NSUN6: variants seen among roughly 807,000 people sequenced by gnomAD.
NSUN6 encodes the protein NOP2/Sun RNA methyltransferase 6.
In NSUN6, 64 loss-of-function variants were observed where a neutral mutation model predicts 58.0. That is an observed-to-expected ratio of 1.10 (90% CI 0.90 to 1.36). The LOEUF is 1.36. Among genes scored for constraint, NSUN6 ranks in the 40% most tolerant of loss-of-function variants. NSUN6 has a pLI of 0.00. For synonymous variants in NSUN6, 231 were observed against 193.9 expected, an observed-to-expected ratio of 1.19 and a Z score of -1.59; for missense variants, 701 against 550.1, an observed-to-expected ratio of 1.27 and a Z score of -2.74.
chr10:18,645,864 T>G (rs1209320941), intron 2 of NSUN6, among the ~76,000 whole-genome samples: 1 of 152,330 alleles, frequency 6.6e-6, no homozygotes, highest in South Asian at 2.1e-4. Context: ...CTTCTCCATA[T>G]TGTCACCAGC....
chr10:18,548,208 C>T lies in NSUN6; in HGVS notation c.1101G>A (p.Val367=), dbSNP rs373744608. 1 of 1,613,260 alleles carries T rather than the reference C, an allele frequency of 6.2e-7. No homozygotes were observed. Among genetic ancestry groups the T allele is most frequent in the South Asian group, 1.1e-5 (1 of 90,984 alleles). The change falls in exon 10 of 11, where the codon GTG becomes GTA. Residue 367 remains valine, a synonymous_variant. Coordinates refer to ENST00000377304, the MANE Select transcript of NSUN6 (RefSeq NM_182543.5). ...TTATAGTGCACGTGCTATAAACCAG[C>T]ACACCCTCTGGCTTCAGCAGCTGAA... ...AAVQLLKPEG[V]LVYSTCTITL...
Position 18,551,725 on chromosome 10 carries a change from C to G in NSUN6, c.1071+98G>C, listed in dbSNP as rs2054615320. 7 of 974,092 alleles carry G rather than the reference C, an allele frequency of 7.2e-6. No homozygotes were observed. In the South Asian group the frequency reaches 1.0e-4, roughly 14 times the overall value. 60.3% of individuals were successfully genotyped at this position (974,092 alleles called of 1,614,324 possible). On this transcript the variant is annotated intron_variant, in intron 9 of 10. Transcript: ENST00000377304. ...CTCTTGGGTTGTTCCCACCTTTTGG[C>G]TATTGTAATGAACGCTGCTATGGAG...
intron 4 of NSUN6, among the ~76,000 whole-genome samples, chr10:18,615,617 T>C (rs1483897454): frequency 6.6e-6 from 1 of 152,198 alleles, no homozygotes; most frequent in African/African-American, 2.4e-5. Context: ...CCAATTCTGA[T>C]ACAGATCAAA....
intron 3 of NSUN6, among the ~76,000 whole-genome samples, chr10:18,626,824 G>C (rs1404481718): frequency 6.6e-6 from 1 of 152,158 alleles, no homozygotes; most frequent in Non-Finnish European, 1.5e-5. Flanking sequence ...GACAAATCCA[G>C]TCTCATTTGG....
rs145283985 is a variant in NSUN6 at position 18,586,331 on chromosome 10, T to C, written c.778-238A>G. Among the ~76,000 whole-genome samples, 124 of 152,296 alleles carry C rather than the reference T, an allele frequency of 8.1e-4. 2 individuals carry two copies. Among genetic ancestry groups the C allele is most frequent in the African/African-American group, 2.8e-3 (116 of 41,548 alleles). On this transcript the variant is annotated intron_variant, in intron 7 of 10. Transcript: ENST00000377304. The stretch of plus-strand genomic sequence containing the variant: ...AGCCGCAGACCCTTGCGATGAGTGT[T>C]ACAGTTCTTAAAGACGTTGTGTCCG...
chr10:18,551,655 T>C (rs1475696715), intron 9 of NSUN6, 168 bp downstream of exon 9: 5 of 505,398 alleles, frequency 9.9e-6, no homozygotes, highest in Admixed American at 3.5e-5. Flanking sequence ...TAATGTTCCA[T>C]GTATGGATAT....
intron 2 of NSUN6, among the ~76,000 whole-genome samples, chr10:18,643,658 C>T (rs909962322): frequency 3.9e-5 from 6 of 152,090 alleles, no homozygotes; most frequent in African/African-American, 1.4e-4. Flanking sequence ...ATAAATTCCA[C>T]CTCAATCAAT....
chr10:18,571,321 C>T (rs1241761352), intron 8 of NSUN6, among the ~76,000 whole-genome samples: 1 of 149,368 alleles, frequency 6.7e-6, no homozygotes, highest in African/African-American at 2.5e-5. Context: ...CCCTTCTTTT[C>T]TCCATTCCAT....
intron 8 of NSUN6, among the ~76,000 whole-genome samples, chr10:18,582,739 C>A (rs565262713): frequency 6.6e-6 from 1 of 152,218 alleles, no homozygotes; most frequent in South Asian, 2.1e-4. Flanking sequence ...GGGAAAGAGA[C>A]AAAGTGAGCC....
chr10:18,575,601 C>T (rs546516174), intron 8 of NSUN6, among the ~76,000 whole-genome samples: 1 of 152,270 alleles, frequency 6.6e-6, no homozygotes, highest in South Asian at 2.1e-4. Context: ...GGCACCAACC[C>T]TCATCAGGGA....
At chr10:18,569,154 CTCCATTCCATTCTCTAT>C in intron 8 of NSUN6, among the ~76,000 whole-genome samples, 1 of 150,336 alleles carries the variant, frequency 6.7e-6, no homozygotes, top group African/African-American at 2.4e-5. Context: ...CCACTGCATT[CTCCATTCCATTCTCTAT>C]TCCATTCCAT....
At chr10:18,600,126 C>G (rs370024621) in intron 6 of NSUN6, among the ~76,000 whole-genome samples, 74 of 152,206 alleles carry the variant, frequency 4.9e-4, no homozygotes, top group African/African-American at 1.7e-3. Context: ...AAGCCCCCAT[C>G]ACAATGTGAA....
chr10:18,557,319 G>A (rs2055105070), intron 8 of NSUN6, among the ~76,000 whole-genome samples: 1 of 150,886 alleles, frequency 6.6e-6, no homozygotes. Context: ...TGGCGAAGCG[G>A]ATGGAATGCA....
At chr10:18,581,214 G>A (rs773088105) in intron 8 of NSUN6, among the ~76,000 whole-genome samples, 6 of 152,122 alleles carry the variant, frequency 3.9e-5, no homozygotes, top group Admixed American at 3.9e-4. Context: ...GTAAAATAAG[G>A]CTGAGACCTA....
intron 6 of NSUN6, among the ~76,000 whole-genome samples, chr10:18,597,461 T>C (rs10828976): frequency 0.17 from 26,616 of 152,118 alleles, 2,847 homozygotes; most frequent in East Asian, 0.36. Flanking sequence ...AATACATCCA[T>C]TAGTACACCC....
intron 3 of NSUN6, among the ~76,000 whole-genome samples, chr10:18,627,701 G>T (rs933837724): frequency 6.6e-6 from 1 of 152,248 alleles, no homozygotes; most frequent in African/African-American, 2.4e-5. Context: ...GCGCTTTTCC[G>T]ATTGGCTTAA....
At chr10:18,551,641 T>G (rs2054610158) in intron 9 of NSUN6, 182 bp downstream of exon 9, 1 of 446,726 alleles carries the variant, frequency 2.2e-6, no homozygotes, top group Non-Finnish European at 4.0e-6. Flanking sequence ...CTTTGAAGGC[T>G]GAATAATGTT....
intron 8 of NSUN6, 35 bp from the exon 9 acceptor site, chr10:18,552,006 C>A (rs1201673899): frequency 2.9e-6 from 4 of 1,362,576 alleles, no homozygotes; most frequent in Admixed American, 3.7e-5. Flanking sequence ...TTACTATCTT[C>A]CATATAGGTT....
chr10:18,576,873 C>G (rs1174847481), intron 8 of NSUN6, among the ~76,000 whole-genome samples: 2 of 152,138 alleles, frequency 1.3e-5, no homozygotes, highest in Admixed American at 1.3e-4. Context: ...TTCACCCTGG[C>G]ATTTCATCAA....
Sources: allele counts gnomAD v4.1 joint callset (sites outside exome capture counted in the v4.1 genomes callset), GRCh38; gene constraint gnomAD v4.1.1; transcripts MANE v1.5; gene names NCBI Gene and HGNC (gene_info 2026-07-23, HGNC 2026-07-21).